Variants in TAOK1 observed in about 807,000 individuals in gnomAD.
TAOK1 encodes TAO kinase 1.
Under a neutral mutation model 138.3 loss-of-function variants are expected in TAOK1, and 21 were observed. The observed-to-expected ratio is 0.15, with a 90% CI of 0.11 to 0.22. TAOK1 has a LOEUF of 0.22. Ranked by LOEUF, TAOK1 falls within the 10% of genes least tolerant of loss-of-function variation. TAOK1 has a pLI of 1.00. For missense variants in TAOK1, 651 were observed against 1,227.7 expected, an observed-to-expected ratio of 0.53 and a Z score of 7.02; for synonymous variants, 361 against 398.4, an observed-to-expected ratio of 0.91 and a Z score of 1.12.
At chr17:29,404,437 C>T (rs1000233768) in intron 1 of TAOK1, among the ~76,000 whole-genome samples, 1 of 152,142 alleles carries the variant, frequency 6.6e-6, no homozygotes. Context: ...GTCAGGATTA[C>T]AGGCATGAGC....
chr17:29,429,236 T>C (rs1426390058), intron 1 of TAOK1, among the ~76,000 whole-genome samples: 1 of 152,180 alleles, frequency 6.6e-6, no homozygotes, highest in Non-Finnish European at 1.5e-5. Flanking sequence ...ACAGAAAAAG[T>C]GCAAAGAAGA....
At chr17:29,393,650 TC>T (rs1360798195) in intron 1 of TAOK1, among the ~76,000 whole-genome samples, 1 of 152,228 alleles carries the variant, frequency 6.6e-6, no homozygotes, top group African/African-American at 2.4e-5. Context: ...ACTGGCTCTT[TC>T]ACTGGATTCT....
intron 1 of TAOK1, among the ~76,000 whole-genome samples, chr17:29,431,952 G>A (rs1007112810): frequency 1.3e-5 from 2 of 152,052 alleles, no homozygotes; most frequent in South Asian, 2.1e-4. Context: ...GACTACAGGC[G>A]TGAGCCACCA....
At chr17:29,474,963 C>T (rs973747486) in intron 3 of TAOK1, among the ~76,000 whole-genome samples, 1 of 151,888 alleles carries the variant, frequency 6.6e-6, no homozygotes, top group Non-Finnish European at 1.5e-5. Flanking sequence ...TTTTTGAGAC[C>T]GAGTTTCGCT....
chr17:29,464,466 A>G (rs1243548776), intron 2 of TAOK1, among the ~76,000 whole-genome samples: 1 of 151,916 alleles, frequency 6.6e-6, no homozygotes, highest in Non-Finnish European at 1.5e-5. Flanking sequence ...AAAGAAAAAA[A>G]AAATGTTCTG....
chr17:29,433,695 A>G (rs1169368522), intron 1 of TAOK1, among the ~76,000 whole-genome samples: 2 of 149,032 alleles, frequency 1.3e-5, no homozygotes, highest in African/African-American at 4.9e-5. Flanking sequence ...CAGGTTCCAC[A>G]CAGGAAGTGG....
intron 10 of TAOK1, among the ~76,000 whole-genome samples, chr17:29,494,825 CAAAAAA>C (rs368548444): frequency 4.1e-5 from 2 of 48,314 alleles, no homozygotes; most frequent in Non-Finnish European, 9.0e-5. Context: ...GACTCCGTCT[CAAAAAA>C]AAAAAAAAAA....
At chr17:29,401,605 T>C (rs1485349385) in intron 1 of TAOK1, among the ~76,000 whole-genome samples, 1 of 152,038 alleles carries the variant, frequency 6.6e-6, no homozygotes, top group African/African-American at 2.4e-5. Context: ...GATTACAATT[T>C]AACATGAGAT....
rs139995854 is a variant in TAOK1, at chr17:29,406,272, A to T, written c.-95+15248A>T. On this transcript the variant is annotated intron_variant, in intron 1 of 19. Coordinates refer to ENST00000261716, the MANE Select transcript of TAOK1 (RefSeq NM_020791.4). ...CCTAGGGAGCAAAATCACCTGATTG[A>T]GAACCATTTATTTAACTGTTATACA... 5.1e-3 allele frequency among the ~76,000 whole-genome samples: 770 copies of T among 152,250 alleles called. 3 individuals carry two copies. The highest frequency in any genetic ancestry group is 0.017 in the African/African-American group (724 of 41,550).
chr17:29,394,339 G>C (rs1328683577), intron 1 of TAOK1, among the ~76,000 whole-genome samples: 3 of 151,436 alleles, frequency 2.0e-5, no homozygotes, highest in Non-Finnish European at 4.4e-5. Flanking sequence ...CTAATTTTTT[G>C]TATTTTTAGT....
At chr17:29,426,128 C>G (rs550424665) in intron 1 of TAOK1, among the ~76,000 whole-genome samples, 2 of 152,300 alleles carry the variant, frequency 1.3e-5, no homozygotes, top group Admixed American at 6.5e-5. Flanking sequence ...GATCCACCTG[C>G]CTCAGCCTCC....
chr17:29,490,127 TTTGA>T (rs2031268971), intron 9 of TAOK1, among the ~76,000 whole-genome samples: 2 of 1,862 alleles, frequency 1.1e-3, no homozygotes, highest in East Asian at 0.021. Context: ...TATAGTGATA[TTTGA>T]TTGGAGGGAT....
At chr17:29,440,599 CAG>C (rs917914338) in intron 1 of TAOK1, among the ~76,000 whole-genome samples, 4 of 149,388 alleles carry the variant, frequency 2.7e-5, no homozygotes, top group Non-Finnish European at 5.9e-5. Context: ...CTTTTTGAGA[CAG>C]AGTCTGCTCT....
chr17:29,437,552 A>G (rs999319393), intron 1 of TAOK1, among the ~76,000 whole-genome samples: 3 of 152,030 alleles, frequency 2.0e-5, no homozygotes, highest in African/African-American at 7.2e-5. Context: ...ATTGAAAGTT[A>G]TTTCTGATTA....
At chr17:29,525,752 TC>T (rs1411079779) in intron 17 of TAOK1, among the ~76,000 whole-genome samples, 2 of 152,088 alleles carry the variant, frequency 1.3e-5, no homozygotes, top group Non-Finnish European at 2.9e-5. Context: ...ACACCTGTAA[TC>T]CCAGCACTTT....
chr17:29,498,331 G>A lies in TAOK1; in HGVS notation c.1013G>A (p.Gly338Asp), dbSNP rs1322124610. The change falls in exon 12 of 20, where the codon GGT (glycine) becomes GAT (aspartate). Residue 338 changes from glycine to aspartate, a missense_variant. Gly to Asp is a moderately conservative substitution (Grantham distance 94). This residue lies in a region of TAOK1 where 104 missense variants were observed against 151.7 expected (regional missense o/e 0.69). Transcript: ENST00000261716. ...AQEEEEEQDH[G>D]VGRTGTVNSV... ...CTTTTCTCTTAGGAACAAGATCATG[G>A]TGTTGGCCGGACAGGAACAGTTAAT... is the stretch of plus-strand genomic sequence containing the variant. 6.2e-7 allele frequency: 1 copy of A among 1,614,130 alleles called. No individual in the cohort carries two copies. Among genetic ancestry groups the A allele is most frequent in the Admixed American group, 1.7e-5 (1 of 60,012 alleles).
intron 14 of TAOK1, 141 bp downstream of exon 14, chr17:29,508,273 TA>T: frequency 1.5e-6 from 1 of 687,506 alleles, no homozygotes; most frequent in African/African-American, 1.8e-5. Flanking sequence ...ATGTGACTTA[TA>T]TAAAGGTTTC....
At chr17:29,501,583 A>G (rs2031532251) in intron 12 of TAOK1, among the ~76,000 whole-genome samples, 2 of 152,224 alleles carry the variant, frequency 1.3e-5, no homozygotes, top group Non-Finnish European at 2.9e-5. Flanking sequence ...AGAAGTATTA[A>G]AAAGATAGCT....
At chr17:29,398,279 T>C (rs1385441370) in intron 1 of TAOK1, among the ~76,000 whole-genome samples, 3 of 150,448 alleles carry the variant, frequency 2.0e-5, no homozygotes, top group Non-Finnish European at 4.4e-5. Flanking sequence ...ATGATCTCGC[T>C]CACTGCAACC....
Sources: gnomAD v4.1 joint callset for allele counts (sites outside exome capture counted in the v4.1 genomes callset) on GRCh38, gnomAD v4.1.1 for gene constraint, gnomAD v4.1.1 regional missense constraint, MANE v1.5 for transcripts, NCBI Gene and HGNC (gene_info 2026-07-23, HGNC 2026-07-21) for gene names.